The following MTHFS variants were observed in gnomAD, a reference collection of about 807,000 sequenced individuals.
The protein encoded by MTHFS is 5-formyltetrahydrofolate cyclo-ligase.
Under a neutral mutation model 12.7 loss-of-function variants are expected in MTHFS, and 7 were observed. That is an observed-to-expected ratio of 0.55 (90% CI 0.31 to 1.03). The LOEUF (loss-of-function observed/expected upper bound fraction) is 1.03, where lower values mean the gene tolerates loss of function less well. Among genes scored for constraint, MTHFS ranks in the 50% least tolerant of loss-of-function variants. The pLI, the probability that MTHFS is intolerant of heterozygous loss-of-function variation, is 0.05. For missense variants in MTHFS, 252 were observed against 258.1 expected, an observed-to-expected ratio of 0.98 and a Z score of 0.16; for synonymous variants, 100 against 97.1, an observed-to-expected ratio of 1.03 and a Z score of -0.18.
chr15:79,863,340 T>C (rs2033950575), intron 2 of MTHFS, among the ~76,000 whole-genome samples: 1 of 152,198 alleles, frequency 6.6e-6, no homozygotes, highest in South Asian at 2.1e-4. Context: ...ACTAGTCATG[T>C]TACTCCTATG....
At chr15:79,864,547 C>CAAAAAAAAAAAAAAAAAAAAAAA (rs58698908) in intron 2 of MTHFS, among the ~76,000 whole-genome samples, 2 of 64,514 alleles carry the variant, frequency 3.1e-5, no homozygotes, top group African/African-American at 1.5e-4. Flanking sequence ...TCCATCTCAA[C>CAAAAAAAAAAAAAAAAAAAAAAA]AAAAAAAAAA....
At chr15:79,889,922 C>T (rs1031486327) in intron 1 of MTHFS, among the ~76,000 whole-genome samples, 102 of 152,272 alleles carry the variant, frequency 6.7e-4, no homozygotes, top group African/African-American at 2.1e-3. Flanking sequence ...CTAATTGTTT[C>T]ATGTGCCCTA....
At chr15:79,849,554 T>C (rs759373808) in intron 2 of MTHFS, among the ~76,000 whole-genome samples, 4 of 152,172 alleles carry the variant, frequency 2.6e-5, no homozygotes, top group Admixed American at 6.5e-5. Flanking sequence ...AGAGACACCT[T>C]CACACACCAC....
intron 2 of MTHFS, among the ~76,000 whole-genome samples, chr15:79,866,440 A>T (rs923447310): frequency 6.6e-6 from 1 of 152,148 alleles, no homozygotes; most frequent in Non-Finnish European, 1.5e-5. Flanking sequence ...AATGAAAAAC[A>T]TCTTGTTGAG....
At chr15:79,855,444 CTG>C (rs1254481743) in intron 2 of MTHFS, among the ~76,000 whole-genome samples, 1 of 152,122 alleles carries the variant, frequency 6.6e-6, no homozygotes, top group Non-Finnish European at 1.5e-5. Context: ...TTTTCACTAA[CTG>C]TAGGCAACCT....
At chr15:79,889,472 A>AAAC in intron 1 of MTHFS, 118 bp from the exon 2 acceptor site, 1 of 1,242,416 alleles carries the variant, frequency 8.0e-7, no homozygotes, top group Non-Finnish European at 1.1e-6. Context: ...AAAGAAAAAA[A>AAAC]AAGGGGGGGG....
chr15:79,862,166 T>C (rs963441863), intron 2 of MTHFS, among the ~76,000 whole-genome samples: 1 of 151,076 alleles, frequency 6.6e-6, no homozygotes, highest in African/African-American at 2.4e-5. Flanking sequence ...GAATCAATCC[T>C]CTCATATCCC....
chr15:79,867,913 T>C (rs960927004), intron 2 of MTHFS, among the ~76,000 whole-genome samples: 4 of 151,982 alleles, frequency 2.6e-5, no homozygotes, highest in Non-Finnish European at 5.9e-5. Context: ...TAGCTTTGAG[T>C]GGAGTGTGTG....
At chr15:79,848,327 G>A (rs1420798707) in intron 2 of MTHFS, among the ~76,000 whole-genome samples, 1 of 152,166 alleles carries the variant, frequency 6.6e-6, no homozygotes, top group Non-Finnish European at 1.5e-5. Flanking sequence ...TAGAATGATG[G>A]TTACCAGGCG....
At chr15:79,870,701 C>T (rs370140757) in intron 2 of MTHFS, among the ~76,000 whole-genome samples, 1 of 152,170 alleles carries the variant, frequency 6.6e-6, no homozygotes, top group Non-Finnish European at 1.5e-5. Flanking sequence ...GGAAAATTTA[C>T]AGTTCAGTTT....
At chr15:79,845,485 G>A (rs1338562526) in intron 2 of MTHFS, 43 bp from the exon 3 acceptor site, 4 of 1,588,554 alleles carry the variant, frequency 2.5e-6, no homozygotes, top group East Asian at 4.5e-5. Flanking sequence ...AATTGTTTCT[G>A]AAAGATCATT....
intron 2 of MTHFS, among the ~76,000 whole-genome samples, chr15:79,857,934 T>C (rs1231131610): frequency 6.8e-6 from 1 of 146,418 alleles, no homozygotes; most frequent in Non-Finnish European, 1.5e-5. Context: ...GAGAATTGCT[T>C]GAACCCAGGA....
intron 2 of MTHFS, among the ~76,000 whole-genome samples, chr15:79,880,216 C>T (rs994501753): frequency 2.0e-5 from 3 of 152,026 alleles, no homozygotes; most frequent in Admixed American, 1.3e-4. Context: ...ACTACAGGCA[C>T]CCACCACCAC....
At position 79,845,171 on chromosome 15, in the gene MTHFS, CA is replaced by C; in HGVS notation, c.*38del. ...AAATACACATACTTTGCTTTACTCT[CA>C]TATAAAACACTGATTATTTGGCTGT... On this transcript the variant is annotated 3_prime_UTR_variant, in exon 3 of 3. Coordinates refer to ENST00000258874, the MANE Select transcript of MTHFS (RefSeq NM_006441.4). 1 of 1,609,756 alleles carries C rather than the reference CA, an allele frequency of 6.2e-7. No homozygotes were observed. The highest frequency in any genetic ancestry group is 8.5e-7 in the Non-Finnish European group (1 of 1,177,028).
At chr15:79,883,153 A>T (rs1454981121) in intron 2 of MTHFS, among the ~76,000 whole-genome samples, 2 of 152,220 alleles carry the variant, frequency 1.3e-5, no homozygotes, top group African/African-American at 4.8e-5. Context: ...ACAGTTAGCT[A>T]TGATTACACC....
intron 2 of MTHFS, chr15:79,875,779 A>C (rs1174421159): frequency 1.3e-5 from 2 of 152,188 alleles, no homozygotes; most frequent in Non-Finnish European, 2.9e-5. Context: ...GAGTGAAAAA[A>C]CACAATGGGA....
chr15:79,848,049 C>CTCCCACGT (rs2033650116), intron 2 of MTHFS, among the ~76,000 whole-genome samples: 1 of 152,208 alleles, frequency 6.6e-6, no homozygotes, highest in Non-Finnish European at 1.5e-5. Flanking sequence ...GATATTTGCA[C>CTCCCACGT]TCCCACGTTC....
chr15:79,877,723 C>T (rs2141366416), intron 2 of MTHFS: 1 of 151,620 alleles, frequency 6.6e-6, no homozygotes, highest in South Asian at 2.1e-4. Flanking sequence ...AAGAAATCTA[C>T]ATTTTTACAC....
Position 79,845,065 on chromosome 15 carries a change from A to T in MTHFS, c.*145T>A. 1 of 1,062,722 alleles carries T rather than the reference A, an allele frequency of 9.4e-7. No homozygotes were observed. Among genetic ancestry groups the T allele is most frequent in the Non-Finnish European group, 1.3e-6 (1 of 756,390 alleles). The allele number at this position is 1,062,722 out of a possible 1,614,324, so 65.8% of individuals were successfully genotyped here. A position where few individuals can be genotyped will look rare whatever the true frequency, so the allele number is the denominator to read the frequency against. ...TTGGTTTTTAAAGATGGTTTTATAT[A>T]AGGTATTTCATAATTACAATTTTAA... On this transcript the variant is annotated 3_prime_UTR_variant, in exon 3 of 3. Transcript: ENST00000258874.
Sources: gnomAD v4.1 joint callset for allele counts (sites outside exome capture counted in the v4.1 genomes callset) on GRCh38, gnomAD v4.1.1 for gene constraint, MANE v1.5 for transcripts, NCBI Gene and HGNC (gene_info 2026-07-23, HGNC 2026-07-21) for gene names.